COL18A1: variants seen among roughly 807,000 people sequenced by gnomAD.
The protein encoded by COL18A1 is collagen alpha-1(XVIII) chain.
Under a neutral mutation model 168.0 loss-of-function variants are expected in COL18A1, and 133 were observed. The observed-to-expected ratio is 0.79, with a 90% CI of 0.69 to 0.91. The LOEUF (loss-of-function observed/expected upper bound fraction) is 0.91, where lower values mean the gene tolerates loss of function less well. Among genes scored for constraint, COL18A1 ranks in the 40% least tolerant of loss-of-function variants. The pLI is 0.00. For missense variants in COL18A1, 2,126 were observed against 1,925.4 expected (o/e 1.10, Z -1.95); for synonymous variants, 949 against 809.0 (o/e 1.17, Z -2.94).
intron 19 of COL18A1, 89 bp from the exon 20 acceptor site, chr21:45,490,186 C>T (rs1203752520): frequency 4.1e-5 from 45 of 1,101,306 alleles, no homozygotes; most frequent in Non-Finnish European, 5.8e-5. Flanking sequence ...GCCATCGCCA[C>T]GTCCACGGGT....
chr21:45,405,309 C>T (rs920937081), intron 1 of COL18A1, 68 bp downstream of exon 1: 32 of 556,190 alleles, frequency 5.8e-5, no homozygotes, highest in African/African-American at 1.5e-4. Context: ...GCGGGGGTCG[C>T]GGGGCTCGGC....
chr21:45,485,814 G>T (rs1157829935), intron 15 of COL18A1, among the ~76,000 whole-genome samples: 1 of 152,226 alleles, frequency 6.6e-6, no homozygotes, highest in South Asian at 2.1e-4. Context: ...CACAGAGGGG[G>T]TTTCCTTCCT....
rs778941505 is a variant in COL18A1, at chr21:45,468,403, C to T, written c.268C>T (p.Arg90Cys). 2.2e-5 allele frequency: 35 copies of T among 1,613,902 alleles called. No individual in the cohort carries two copies. The highest frequency in any genetic ancestry group is 3.3e-5 in the South Asian group (3 of 91,086). Residue 90 changes from arginine (R) to cysteine (C), a missense_variant, in exon 3 of 42, where the codon CGT becomes TGT. Transcript: ENST00000651438. Reference sequence around the variant, plus strand: ...GTACCACTTCCCCAGCCTCTTCTTCCGTGACTTCTCACTGCTGTTCCACAT... The same window carrying T: ...GTACCACTTCCCCAGCCTCTTCTTCTGTGACTTCTCACTGCTGTTCCACAT... ...ARYHFPSLFF[R>C]DFSLLFHIRP...
chr21:45,496,493 C>T lies in COL18A1; in HGVS notation c.2509-7C>T. 1 of 1,316,958 alleles carries T rather than the reference C, an allele frequency of 7.6e-7. No individual in the cohort carries two copies. Among genetic ancestry groups the T allele is most frequent in the Non-Finnish European group, 1.1e-6 (1 of 909,060 alleles). The allele number at this position is 1,316,958 out of a possible 1,614,324, so 81.6% of individuals were successfully genotyped here. On this transcript the variant is annotated splice_polypyrimidine_tract_variant and splice_region_variant and intron_variant, in intron 29 of 41. Transcript: ENST00000651438. ...ATAAGCCTAACAGCTCTCTGCCCTCCCCACAGGGAATGCCCGGCCCCCCAG... is the reference window on the plus strand; with the variant it reads ...ATAAGCCTAACAGCTCTCTGCCCTCTCCACAGGGAATGCCCGGCCCCCCAG...
At chr21:45,436,148 C>T (rs1360728706) in intron 2 of COL18A1, among the ~76,000 whole-genome samples, 2 of 152,228 alleles carry the variant, frequency 1.3e-5, no homozygotes, top group African/African-American at 4.8e-5. Flanking sequence ...ATTTGAAACC[C>T]TACCTACAGG....
At chr21:45,486,762 A>G in intron 15 of COL18A1, 99 bp from the exon 16 acceptor site, 2 of 1,314,688 alleles carry the variant, frequency 1.5e-6, no homozygotes, top group Non-Finnish European at 1.0e-6. Context: ...TTTGATTTGC[A>G]GGGTTTAGAA....
chr21:45,496,100 TGCCCTCCA>T lies in COL18A1; in HGVS notation c.2509-399_2509-392del, dbSNP rs1602558499. The T allele has an allele frequency of 1.7e-5, 6 of 352,934 alleles. No individual in the cohort carries two copies. The East Asian group carries it at 4.2e-4, about 25-fold the overall frequency. 21.9% of individuals were successfully genotyped at this position (352,934 alleles called of 1,614,324 possible). On this transcript the variant is annotated intron_variant, in intron 29 of 41. Transcript: ENST00000651438. ...CCCTCCATGCCCTCTATGCCCTCCATGCCCTCCATGCCCTCCAAGCCCTCCATGCTGGG... is the reference window on the plus strand; with the variant it reads ...CCCTCCATGCCCTCTATGCCCTCCATTGCCCTCCAAGCCCTCCATGCTGGG...
At chr21:45,455,450 C>CAGG in intron 2 of COL18A1, 3 of 1,584,180 alleles carry the variant, frequency 1.9e-6, no homozygotes, top group Non-Finnish European at 2.6e-6. Context: ...CAGGGGAGGG[C>CAGG]AGGAGGGCGT....
intron 2 of COL18A1, among the ~76,000 whole-genome samples, chr21:45,418,107 G>C (rs2033499985): frequency 6.6e-6 from 1 of 152,242 alleles, no homozygotes; most frequent in Non-Finnish European, 1.5e-5. Context: ...GACGGCCAGG[G>C]CCTGCTGTCT....
intron 2 of COL18A1, among the ~76,000 whole-genome samples, chr21:45,436,240 G>A (rs113623015): frequency 1.8e-4 from 28 of 152,216 alleles, no homozygotes; most frequent in African/African-American, 6.5e-4. Context: ...TGGGCCCCTG[G>A]GCTGAGGAGA....
At chr21:45,436,508 G>C (rs919534691) in intron 2 of COL18A1, among the ~76,000 whole-genome samples, 4 of 152,148 alleles carry the variant, frequency 2.6e-5, no homozygotes, top group Admixed American at 2.0e-4. Context: ...GAGGGCTTTC[G>C]GTTCGGCAAA....
At chr21:45,438,770 C>A (rs973979413) in intron 2 of COL18A1, among the ~76,000 whole-genome samples, 3 of 151,908 alleles carry the variant, frequency 2.0e-5, no homozygotes, top group Non-Finnish European at 4.4e-5. Context: ...GCATCTAATC[C>A]TTGCAGGCAG....
chr21:45,473,928 C>T lies in COL18A1; in HGVS notation c.685C>T (p.Pro229Ser), dbSNP rs768974310. 5 of 1,606,200 alleles carry T rather than the reference C, an allele frequency of 3.1e-6. No individual in the cohort carries two copies. In the South Asian group the frequency reaches 5.6e-5, roughly 18 times the overall value. ...CGCTGAGCTGAAGGTGCGCAGGGAC[C>T]CCCAGGTGAGCCCCATGCACTGCCT... ...VIAELKVRRD[P>S]QVSPMHCLDE... Residue 229 changes from proline to serine, a missense_variant, in exon 4 of 42, where the codon CCC becomes TCC. Coordinates refer to ENST00000651438, the MANE Select transcript of COL18A1 (RefSeq NM_001379500.1). This position sits in a 1 kb window ranked among gnomAD's most constrained non-coding sequence, Gnocchi z 4.0.
At chr21:45,434,494 T>C (rs1304514477) in intron 2 of COL18A1, among the ~76,000 whole-genome samples, 1 of 152,196 alleles carries the variant, frequency 6.6e-6, no homozygotes, top group East Asian at 1.9e-4. Flanking sequence ...GGCCAGAGGC[T>C]GGGACTCCCT....
chr21:45,421,703 C>G (rs1027852761), intron 2 of COL18A1: 3 of 451,214 alleles, frequency 6.6e-6, no homozygotes, highest in South Asian at 5.0e-5. Context: ...GGGTACTTGC[C>G]GTGCCTGCCT....
chr21:45,500,552 GTT>G (rs1462178484), intron 32 of COL18A1, among the ~76,000 whole-genome samples: 3 of 56,184 alleles, frequency 5.3e-5, no homozygotes, highest in Non-Finnish European at 3.4e-5. Flanking sequence ...TTTGGTGTGT[GTT>G]GGGTGTGTAG....
At chr21:45,495,555 C>T in intron 29 of COL18A1, 123 bp downstream of exon 29, 2 of 784,276 alleles carry the variant, frequency 2.6e-6, no homozygotes, top group South Asian at 3.0e-5. Flanking sequence ...TGCCATGTGG[C>T]CACACAGCAC....
In COL18A1 at chr21:45,477,980, C is replaced by T. The variant is rs1048114702; in HGVS notation, c.1221+15C>T. 4.5e-6 allele frequency: 6 copies of T among 1,332,044 alleles called. No homozygotes were observed. The highest frequency in any genetic ancestry group is 1.3e-5 in the South Asian group (1 of 79,900). The allele number at this position is 1,332,044 out of a possible 1,614,324, so 82.5% of individuals were successfully genotyped here. A position where few individuals can be genotyped will look rare whatever the true frequency, so the allele number is the denominator to read the frequency against. Reference sequence around the variant, plus strand: ...ACGGCGAGCCGGTGAGTCCTCACGTCCCCCCGAGTCCGGCCCGGTCTGGAG... The same window carrying T: ...ACGGCGAGCCGGTGAGTCCTCACGTTCCCCCGAGTCCGGCCCGGTCTGGAG... On this transcript the variant is annotated intron_variant, in intron 8 of 41. Coordinates refer to ENST00000651438, the MANE Select transcript of COL18A1 (RefSeq NM_001379500.1).
intron 2 of COL18A1, chr21:45,456,079 C>A (rs767031366): frequency 6.2e-7 from 1 of 1,602,530 alleles, no homozygotes; most frequent in African/African-American, 1.3e-5. Context: ...CCCACACAAC[C>A]GAGGCTGGCA....
Sources: allele counts gnomAD v4.1 joint callset (sites outside exome capture counted in the v4.1 genomes callset), GRCh38; gene constraint gnomAD v4.1.1; non-coding constraint Gnocchi (gnomAD v3.1); transcripts MANE v1.5; gene names NCBI Gene and HGNC (gene_info 2026-07-23, HGNC 2026-07-21).